Variants in MAPRE2 observed in about 807,000 individuals in gnomAD.
The protein encoded by MAPRE2 is microtubule associated protein RP/EB family member 2, also known as microtubule-associated protein RP/EB family member 2.
A neutral mutation model predicts 43.2 loss-of-function variants in MAPRE2; 13 were observed. That is an observed-to-expected ratio of 0.30 (90% confidence interval 0.20 to 0.48). MAPRE2 has a LOEUF of 0.48. MAPRE2 is among the 20% of genes least tolerant of loss of function. The pLI is 0.99. For synonymous variants in MAPRE2, 135 were observed against 148.8 expected, an observed-to-expected ratio of 0.91 and a Z score of 0.68; for missense variants, 161 against 400.2, an observed-to-expected ratio of 0.40 and a Z score of 5.10.
intron 2 of MAPRE2, among the ~76,000 whole-genome samples, chr18:35,075,290 T>C (rs1355500708): frequency 1.3e-5 from 2 of 152,040 alleles, no homozygotes; most frequent in South Asian, 4.2e-4. Context: ...CCCAGCAGAG[T>C]GTTCTTTGTG....
intron 1 of MAPRE2, chr18:34,988,655 A>G (rs1304378509): frequency 6.6e-6 from 1 of 152,168 alleles, no homozygotes; most frequent in East Asian, 1.9e-4. Context: ...AAGAAGGGTG[A>G]TCTACACACT....
chr18:35,000,439 A>T (rs1797219), intron 1 of MAPRE2, among the ~76,000 whole-genome samples: 133,207 of 152,200 alleles, frequency 0.88, 58,312 homozygotes, highest in East Asian at 0.97. Context: ...GTTCCTGTAG[A>T]TTTTGTGGCC....
intron 6 of MAPRE2, among the ~76,000 whole-genome samples, chr18:35,137,361 T>C: frequency 6.6e-6 from 1 of 152,174 alleles, no homozygotes; most frequent in South Asian, 2.1e-4. Context: ...TGCTGCCTTG[T>C]TGGATGTGTT....
chr18:35,060,260 G>A (rs1290363192), intron 1 of MAPRE2, among the ~76,000 whole-genome samples: 1 of 152,112 alleles, frequency 6.6e-6, no homozygotes, highest in Non-Finnish European at 1.5e-5. Flanking sequence ...AAGGCATATG[G>A]TCAAGAAGGA....
At chr18:35,048,552 C>T (rs1020951814) in intron 1 of MAPRE2, among the ~76,000 whole-genome samples, 4 of 149,696 alleles carry the variant, frequency 2.7e-5, no homozygotes, top group African/African-American at 9.8e-5. Context: ...ACTATATTCA[C>T]ACATATATAG....
At chr18:34,998,255 A>G (rs956689299) in intron 1 of MAPRE2, among the ~76,000 whole-genome samples, 4 of 151,416 alleles carry the variant, frequency 2.6e-5, no homozygotes, top group African/African-American at 9.7e-5. Context: ...AAACTTATGG[A>G]CGGAGGCTAT....
chr18:34,980,089 C>T (rs75147201), intron 1 of MAPRE2, among the ~76,000 whole-genome samples: 1 of 139,608 alleles, frequency 7.2e-6, no homozygotes, highest in Non-Finnish European at 1.5e-5. Context: ...CAGGCTGGCA[C>T]GATTTCGGCT....
intron 4 of MAPRE2, among the ~76,000 whole-genome samples, chr18:35,114,784 A>G (rs1480513798): frequency 6.6e-6 from 1 of 152,144 alleles, no homozygotes; most frequent in Admixed American, 6.5e-5. Context: ...TGGGTCATTA[A>G]TCTTATATAG....
intron 1 of MAPRE2, among the ~76,000 whole-genome samples, chr18:35,004,223 A>G (rs1478663225): frequency 6.6e-6 from 1 of 152,164 alleles, no homozygotes; most frequent in Non-Finnish European, 1.5e-5. Context: ...TAATAATTCT[A>G]CCAGCAACAT....
intron 2 of MAPRE2, among the ~76,000 whole-genome samples, chr18:35,014,242 A>G (rs767106596): frequency 6.6e-5 from 10 of 152,128 alleles, no homozygotes; most frequent in Non-Finnish European, 1.0e-4. Flanking sequence ...AGATATAAGG[A>G]CACGGAAAAA....
At chr18:35,099,921 G>C (rs542367046) in intron 3 of MAPRE2, among the ~76,000 whole-genome samples, 3 of 152,082 alleles carry the variant, frequency 2.0e-5, no homozygotes, top group Non-Finnish European at 4.4e-5. Context: ...AATTTTCATT[G>C]ATATGTAAGG....
At chr18:35,121,897 G>A (rs1909693143) in intron 4 of MAPRE2, among the ~76,000 whole-genome samples, 2 of 152,186 alleles carry the variant, frequency 1.3e-5, no homozygotes, top group Non-Finnish European at 1.5e-5. Context: ...TCACATAAAA[G>A]TATTCTATCA....
At chr18:35,026,478 G>A (rs1333168321) in intron 2 of MAPRE2, among the ~76,000 whole-genome samples, 1 of 152,070 alleles carries the variant, frequency 6.6e-6, no homozygotes, top group Non-Finnish European at 1.5e-5. Flanking sequence ...TTTTTACAAG[G>A]TGCTTTTGGA....
At chr18:35,086,514 T>C (rs548206461) in intron 2 of MAPRE2, among the ~76,000 whole-genome samples, 8 of 152,066 alleles carry the variant, frequency 5.3e-5, no homozygotes, top group Non-Finnish European at 1.2e-4. Flanking sequence ...GTCCAAACGA[T>C]TTATATGTTC....
At chr18:35,023,876 T>C (rs1020315480) in intron 2 of MAPRE2, among the ~76,000 whole-genome samples, 1 of 152,196 alleles carries the variant, frequency 6.6e-6, no homozygotes, top group Admixed American at 6.5e-5. Context: ...CTGAGTACTA[T>C]GTCTCCAGGA....
upstream of MAPRE2, among the ~76,000 whole-genome samples, chr18:35,039,777 A>T (rs1231533256): frequency 1.3e-5 from 2 of 152,222 alleles, no homozygotes; most frequent in Non-Finnish European, 2.9e-5. Flanking sequence ...AAGCTGATAA[A>T]CCATACAGTG....
intron 1 of MAPRE2, among the ~76,000 whole-genome samples, chr18:35,056,537 G>C (rs1906244183): frequency 1.3e-5 from 2 of 152,164 alleles, no homozygotes; most frequent in Admixed American, 1.3e-4. Flanking sequence ...TCGGTATGGA[G>C]GCAGGATGGG....
intron 2 of MAPRE2, among the ~76,000 whole-genome samples, chr18:35,034,092 A>G (rs1036512907): frequency 5.3e-5 from 8 of 152,214 alleles, no homozygotes; most frequent in Admixed American, 5.2e-4. Context: ...TGGAGGCATC[A>G]TGCTACCTGA....
intron 2 of MAPRE2, among the ~76,000 whole-genome samples, chr18:35,071,926 G>T (rs1283907508): frequency 6.6e-6 from 1 of 152,182 alleles, no homozygotes; most frequent in Non-Finnish European, 1.5e-5. Flanking sequence ...TGATTTATGA[G>T]GTCAGTAGTG....
Sources: gnomAD v4.1 joint callset for allele counts (sites outside exome capture counted in the v4.1 genomes callset) on GRCh38, gnomAD v4.1.1 for gene constraint, MANE v1.5 for transcripts, NCBI Gene and HGNC (gene_info 2026-07-23, HGNC 2026-07-21) for gene names.